The following PARD3B variants were observed in gnomAD, a reference collection of about 807,000 sequenced individuals.
PARD3B encodes the protein partitioning defective 3 homolog B.
In PARD3B, 103 loss-of-function variants were observed where a neutral mutation model predicts 130.2. The ratio of observed to expected loss-of-function variants is 0.79; its 90% CI spans 0.67 to 0.93. PARD3B has a LOEUF of 0.93. PARD3B is among the 40% of genes least tolerant of loss of function. The probability of loss-of-function intolerance (pLI) is 0.00; values close to 1 mark genes in which losing one functional copy is unlikely to be tolerated. For synonymous variants in PARD3B, 583 were observed against 553.2 expected, an observed-to-expected ratio of 1.05 and a Z score of -0.76; for missense variants, 1,609 against 1,499.2, an observed-to-expected ratio of 1.07 and a Z score of -1.21.
In PARD3B at chr2:205,405,911, A is replaced by G. The variant is rs1431206815; in HGVS notation, c.2741+4788A>G. Among the ~76,000 whole-genome samples the G allele has an allele frequency of 2.0e-5, 3 of 152,228 alleles. No homozygotes were observed. Among genetic ancestry groups the G allele is most frequent in the African/African-American group, 7.2e-5 (3 of 41,470 alleles). On this transcript the variant is annotated intron_variant, in intron 19 of 22. Coordinates refer to ENST00000406610, the MANE Select transcript of PARD3B (RefSeq NM_001302769.2). The surrounding 1 kb of genome is among the most constrained non-coding windows in gnomAD (Gnocchi z 4.1). ...TTGAGCATAAGTTTAGCATGAGTCA[A>G]CATGTGGATATGCCTGCCAAAAGCT...
intron 22 of PARD3B, among the ~76,000 whole-genome samples, chr2:205,556,091 T>G (rs1351657214): frequency 6.6e-6 from 1 of 152,152 alleles, no homozygotes. Context: ...TGTCTCCTTT[T>G]GCCAGGAGAG....
chr2:204,737,225 AAGT>A (rs1228627465), intron 2 of PARD3B, among the ~76,000 whole-genome samples: 1 of 152,194 alleles, frequency 6.6e-6, no homozygotes, highest in Non-Finnish European at 1.5e-5. Flanking sequence ...GGGCCTCCCA[AAGT>A]GCTGGGATTA....
intron 2 of PARD3B, among the ~76,000 whole-genome samples, chr2:204,729,530 A>G (rs921121457): frequency 6.6e-6 from 1 of 152,198 alleles, no homozygotes; most frequent in East Asian, 1.9e-4. Flanking sequence ...TAATCTTGAA[A>G]TGTGATACCG....
chr2:204,909,111 G>T (rs72940430), intron 2 of PARD3B, among the ~76,000 whole-genome samples: 36 of 152,238 alleles, frequency 2.4e-4, no homozygotes, highest in Non-Finnish European at 4.3e-4. Context: ...AGGTTATGCA[G>T]TAAGGAACCA....
chr2:205,075,656 C>G (rs1295543751), intron 4 of PARD3B, among the ~76,000 whole-genome samples: 1 of 145,616 alleles, frequency 6.9e-6, no homozygotes, highest in Non-Finnish European at 1.5e-5. Flanking sequence ...AGCTGCCTTA[C>G]CTTTATAAGA....
At chr2:204,723,341 A>G (rs1267882804) in intron 2 of PARD3B, among the ~76,000 whole-genome samples, 1 of 152,132 alleles carries the variant, frequency 6.6e-6, no homozygotes, top group Non-Finnish European at 1.5e-5. Context: ...CATAATACAT[A>G]TATTTTGTAT....
chr2:204,735,158 G>A (rs974417330), intron 2 of PARD3B, among the ~76,000 whole-genome samples: 2 of 151,876 alleles, frequency 1.3e-5, no homozygotes, highest in African/African-American at 2.4e-5. Context: ...CAAATACTGC[G>A]CTACAAATTA....
chr2:205,320,243 TGAAGGAAGGAAGGAAGGAAA>T (rs377033089), intron 18 of PARD3B, among the ~76,000 whole-genome samples: 4,336 of 139,346 alleles, frequency 0.031, 177 homozygotes, highest in African/African-American at 0.1. Context: ...AAGGAAGGAA[TGAAGGAAGGAAGGAAGGAAA>T]GAAGGAAGGA....
intron 10 of PARD3B, among the ~76,000 whole-genome samples, chr2:205,129,521 C>G (rs1407128058): frequency 1.3e-5 from 2 of 152,210 alleles, no homozygotes; most frequent in Non-Finnish European, 1.5e-5. Context: ...GATGTACACA[C>G]TTGACTTTCC....
chr2:205,424,165 G>A (rs1323790206), intron 19 of PARD3B, among the ~76,000 whole-genome samples: 1 of 152,054 alleles, frequency 6.6e-6, no homozygotes. Context: ...TGGATAGGAG[G>A]GAAAAGACTG....
At position 205,280,172 on chromosome 2, in the gene PARD3B, T is replaced by C. The variant is rs764275361; in HGVS notation, c.2186-20358T>C. On this transcript the variant is annotated intron_variant, in intron 16 of 22. Transcript: ENST00000406610. This position sits in a 1 kb window ranked among gnomAD's most constrained non-coding sequence, Gnocchi z 4.7. ...ATATAATACCTTTCAGGGAAAAAAA[T>C]TGCTTTAGGACAAAATAACAGTCAC... Among the ~76,000 whole-genome samples the C allele has an allele frequency of 6.6e-6, 1 of 152,136 alleles. No individual in the cohort carries two copies. Among genetic ancestry groups the C allele is most frequent in the African/African-American group, 2.4e-5 (1 of 41,436 alleles).
At chr2:205,115,651 G>A (rs1390318265) in intron 6 of PARD3B, among the ~76,000 whole-genome samples, 1 of 152,112 alleles carries the variant, frequency 6.6e-6, no homozygotes, top group Non-Finnish European at 1.5e-5. Flanking sequence ...GGAGACATGA[G>A]CCAATAAAAG....
intron 2 of PARD3B, among the ~76,000 whole-genome samples, chr2:204,766,454 A>G (rs2041152792): frequency 1.3e-5 from 2 of 152,154 alleles, no homozygotes; most frequent in Non-Finnish European, 2.9e-5. Flanking sequence ...AACTATTGTC[A>G]TTAGCCTGAA....
chr2:205,008,509 T>G (rs1475344993), intron 3 of PARD3B, among the ~76,000 whole-genome samples: 1 of 152,148 alleles, frequency 6.6e-6, no homozygotes, highest in Non-Finnish European at 1.5e-5. Context: ...ATATAATACT[T>G]AAGAAATGTA....
At chr2:205,217,146 T>C (rs2037958373) in intron 15 of PARD3B, among the ~76,000 whole-genome samples, 1 of 152,188 alleles carries the variant, frequency 6.6e-6, no homozygotes, top group Non-Finnish European at 1.5e-5. Context: ...GCCAGGACTA[T>C]CACATGTCAC....
chr2:204,561,748 A>G (rs892755325), intron 1 of PARD3B, among the ~76,000 whole-genome samples: 2 of 152,028 alleles, frequency 1.3e-5, no homozygotes, highest in African/African-American at 4.8e-5. Flanking sequence ...GGTGCACGCT[A>G]CCACGCCCGG....
In PARD3B at chr2:204,689,184, T is replaced by G. The variant is rs549618368; in HGVS notation, c.222+2902T>G. On this transcript the variant is annotated intron_variant, in intron 2 of 22. Coordinates refer to ENST00000406610, the MANE Select transcript of PARD3B (RefSeq NM_001302769.2). This position sits in a 1 kb window ranked among gnomAD's most constrained non-coding sequence, Gnocchi z 5.2. ...CAGCCAGTGTTCTTAAGAAATGACTTTTAAAACTTGTGCCTAAAGTGGTTT... is the reference window on the plus strand; with the variant it reads ...CAGCCAGTGTTCTTAAGAAATGACTGTTAAAACTTGTGCCTAAAGTGGTTT... Among the ~76,000 whole-genome samples the G allele has an allele frequency of 6.6e-5, 10 of 152,278 alleles. No homozygotes were observed. The highest frequency in any genetic ancestry group is 4.6e-4 in the Admixed American group (7 of 15,284).
intron 1 of PARD3B, among the ~76,000 whole-genome samples, chr2:204,580,319 C>G (rs912749710): frequency 6.6e-6 from 1 of 152,034 alleles, no homozygotes; most frequent in African/African-American, 2.4e-5. Context: ...TTTTTTTTCC[C>G]TCTTATCCAG....
In PARD3B at chr2:205,268,232, T is replaced by A. The variant is rs1227855624; in HGVS notation, c.2185+22410T>A. On this transcript the variant is annotated intron_variant, in intron 16 of 22. Transcript: ENST00000406610. This position sits in a 1 kb window ranked among gnomAD's most constrained non-coding sequence, Gnocchi z 4.1. Reference sequence around the variant, plus strand: ...CACAAAATAAATTAGCAGTTTTGCATCACGATGTCTTGTGACATACATGCA... The same window carrying A: ...CACAAAATAAATTAGCAGTTTTGCAACACGATGTCTTGTGACATACATGCA... 2.6e-5 allele frequency among the ~76,000 whole-genome samples: 4 copies of A among 152,242 alleles called. No homozygotes were observed. The highest frequency in any genetic ancestry group is 5.9e-5 in the Non-Finnish European group (4 of 68,042).
Sources: allele counts gnomAD v4.1 joint callset (sites outside exome capture counted in the v4.1 genomes callset), GRCh38; gene constraint gnomAD v4.1.1; non-coding constraint Gnocchi (gnomAD v3.1); transcripts MANE v1.5; gene names NCBI Gene and HGNC (gene_info 2026-07-23, HGNC 2026-07-21).